ALG5: variants seen among roughly 807,000 people sequenced by gnomAD.
ALG5 encodes the protein ALG5 dolichyl-phosphate beta-glucosyltransferase, also known as dolichyl-phosphate beta-glucosyltransferase.
ALG5 carries 26 observed loss-of-function variants against 51.8 expected under a neutral mutation model. The observed-to-expected ratio is 0.50, with a 90% confidence interval of 0.37 to 0.70. The LOEUF is 0.70. Among genes scored for constraint, ALG5 ranks in the 30% least tolerant of loss-of-function variants. The pLI is 0.00. For missense variants in ALG5, 311 were observed against 399.3 expected, an observed-to-expected ratio of 0.78 and a Z score of 1.88; for synonymous variants, 141 against 136.1, an observed-to-expected ratio of 1.04 and a Z score of -0.25.
rs561687074 is a variant in ALG5 at position 36,959,413 on chromosome 13, A to G, written c.773+6162T>C. On this transcript the variant is annotated intron_variant, in intron 8 of 9. Coordinates refer to ENST00000239891, the MANE Select transcript of ALG5 (RefSeq NM_013338.5). ...AATTAGCTTGATTTAATTATGCTAC[A>G]TTGTATTCATAAATCATAATATCAC... Among the ~76,000 whole-genome samples, 42 of 152,328 alleles carry G rather than the reference A, an allele frequency of 2.8e-4. 1 individual carries two copies. Among genetic ancestry groups the G allele is most frequent in the African/African-American group, 9.4e-4 (39 of 41,584 alleles).
intron 8 of ALG5, among the ~76,000 whole-genome samples, chr13:36,955,799 A>C (rs529025537): frequency 5.3e-5 from 8 of 152,188 alleles, no homozygotes; most frequent in African/African-American, 1.9e-4. Flanking sequence ...CAGAAGGACG[A>C]AACTGGACCC....
intron 7 of ALG5, among the ~76,000 whole-genome samples, chr13:36,969,804 G>C (rs2058913089): frequency 2.0e-5 from 3 of 151,886 alleles, no homozygotes; most frequent in Non-Finnish European, 4.4e-5. Flanking sequence ...CAAAGTGCTG[G>C]GATTACAGGT....
In ALG5 at chr13:36,952,794, A is replaced by G. The variant is rs2058824202; in HGVS notation, c.774-195T>C. On this transcript the variant is annotated intron_variant, in intron 8 of 9. Coordinates refer to ENST00000239891, the MANE Select transcript of ALG5 (RefSeq NM_013338.5). ...GTTTCAAGTCAAATAATAATTTAGA[A>G]TATCATTGCATAATATTGTATCTCT... 1.2e-5 allele frequency: 5 copies of G among 407,386 alleles called. No individual in the cohort carries two copies. The Admixed American group carries it at 1.9e-4, about 15-fold the overall frequency. The allele number at this position is 407,386 out of a possible 1,614,324, so 25.2% of individuals were successfully genotyped here. A position where few individuals can be genotyped will look rare whatever the true frequency, so the allele number is the denominator to read the frequency against.
chr13:36,952,489 A>G (rs2138776210), intron 9 of ALG5, 25 bp downstream of exon 9: 1 of 1,523,134 alleles, frequency 6.6e-7, no homozygotes, highest in African/African-American at 1.4e-5. Context: ...ACTCAAGACA[A>G]TCATACAATA....
chr13:36,989,351 GTTA>G, intron 5 of ALG5, 130 bp downstream of exon 5: 1 of 635,272 alleles, frequency 1.6e-6, no homozygotes, highest in South Asian at 2.2e-5. Flanking sequence ...AAAACATGAA[GTTA>G]TTATTAAAAT....
intron 6 of ALG5, among the ~76,000 whole-genome samples, chr13:36,984,689 C>A (rs796339785): frequency 6.6e-6 from 1 of 152,240 alleles, no homozygotes; most frequent in African/African-American, 2.4e-5. Flanking sequence ...TCTCTTCCCC[C>A]TCTAAACTAG....
At chr13:36,969,855 A>G (rs2058913429) in intron 7 of ALG5, among the ~76,000 whole-genome samples, 2 of 152,050 alleles carry the variant, frequency 1.3e-5, no homozygotes, top group Non-Finnish European at 1.5e-5. Context: ...TTCAACACAG[A>G]TAACTGTATT....
chr13:36,973,694 C>T lies in ALG5; in HGVS notation c.562-1658G>A, dbSNP rs181809404. Among the ~76,000 whole-genome samples the T allele has an allele frequency of 2.7e-3, 407 of 152,058 alleles. 2 individuals are homozygous for T. Among genetic ancestry groups the T allele is most frequent in the Admixed American group, 5.1e-3 (78 of 15,274 alleles). On this transcript the variant is annotated intron_variant, in intron 6 of 9. Coordinates refer to ENST00000239891, the MANE Select transcript of ALG5 (RefSeq NM_013338.5). ...AAATATTGGCAATTTATACTACAGA[C>T]AAAAGGTTAATTTCCAAAAAGCATA...
At position 36,973,177 on chromosome 13, in the gene ALG5, A is replaced by G. The variant is rs564790008; in HGVS notation, c.562-1141T>C. Among the ~76,000 whole-genome samples, 16 of 152,056 alleles carry G rather than the reference A, an allele frequency of 1.1e-4. No homozygotes were observed. The East Asian group carries it at 1.4e-3, about 13-fold the overall frequency. On this transcript the variant is annotated intron_variant, in intron 6 of 9. Coordinates refer to ENST00000239891, the MANE Select transcript of ALG5 (RefSeq NM_013338.5). ...AGAGAAGCAAAAATAATCAAGAAAA[A>G]AGCCAGGAAAATTCAAGAGTAAAGG...
chr13:36,958,111 C>A (rs910605352), intron 8 of ALG5, among the ~76,000 whole-genome samples: 5 of 152,098 alleles, frequency 3.3e-5, no homozygotes, highest in African/African-American at 1.2e-4. Context: ...AGGAAAGTAA[C>A]TAGAATCGCA....
chr13:36,952,363 A>G (rs2058822256), intron 9 of ALG5, 151 bp downstream of exon 9: 1 of 596,702 alleles, frequency 1.7e-6, no homozygotes, highest in Non-Finnish European at 2.9e-6. Flanking sequence ...AGGTATTAGT[A>G]GGTACTATTC....
chr13:36,997,466 CAAAAAAAAAAAA>C (rs57878611), intron 1 of ALG5, among the ~76,000 whole-genome samples: 1 of 78,130 alleles, frequency 1.3e-5, no homozygotes, highest in Non-Finnish European at 2.4e-5. Context: ...GACTCCGTCT[CAAAAAAAAAAAA>C]AAAAAAAAAA....
Position 36,952,523 on chromosome 13 carries a change from C to G in ALG5, c.850G>C (p.Glu284Gln). The change falls in exon 9 of 10, where the codon GAA becomes CAA. Residue 284 changes from glutamate (E) to glutamine (Q), a missense_variant. Physicochemically the swap from Glu to Gln is conservative, Grantham distance 29 (BLOSUM62 2). Transcript: ENST00000239891. ...PIAEIAVNWT[E>Q]IEGSKLVPFW... ...TAAACAATATACTCACCTTCAATTTCTGTCCAGTTGACAGCAATTTCTGCT... is the reference window on the plus strand; with the variant it reads ...TAAACAATATACTCACCTTCAATTTGTGTCCAGTTGACAGCAATTTCTGCT... The G allele has an allele frequency of 6.3e-7, 1 of 1,596,874 alleles. No individual in the cohort carries two copies. Among genetic ancestry groups the G allele is most frequent in the Non-Finnish European group, 8.5e-7 (1 of 1,172,590 alleles).
chr13:36,965,747 T>C (rs1484792031), intron 7 of ALG5, 21 bp from the exon 8 acceptor site: 2 of 1,601,124 alleles, frequency 1.2e-6, no homozygotes, highest in South Asian at 1.1e-5. Context: ...AGACAAAATA[T>C]AAATGACTTT....
rs2058980524 is a variant in ALG5, at chr13:36,981,779, T to C, written c.561+3848A>G. Among the ~76,000 whole-genome samples the C allele has an allele frequency of 2.6e-5, 4 of 152,256 alleles. No individual in the cohort carries two copies. In the South Asian group the frequency reaches 8.3e-4, roughly 32 times the overall value. ...AGTGGAAAATTATAAGAAAAAAATATGCTATGTTTAAAAACTGTAAGAACT... is the reference window on the plus strand; with the variant it reads ...AGTGGAAAATTATAAGAAAAAAATACGCTATGTTTAAAAACTGTAAGAACT... On this transcript the variant is annotated intron_variant, in intron 6 of 9. Coordinates refer to ENST00000239891, the MANE Select transcript of ALG5 (RefSeq NM_013338.5).
intron 8 of ALG5, among the ~76,000 whole-genome samples, chr13:36,957,390 A>G (rs2138781907): frequency 6.6e-6 from 1 of 152,160 alleles, no homozygotes; most frequent in East Asian, 1.9e-4. Flanking sequence ...AAGAGGCAAT[A>G]AAGGCACTAA....
chr13:36,973,420 G>A (rs1231038263), intron 6 of ALG5, among the ~76,000 whole-genome samples: 3 of 152,162 alleles, frequency 2.0e-5, no homozygotes, highest in African/African-American at 4.8e-5. Flanking sequence ...GTGGGACATC[G>A]TGGTAGCCAC....
rs142909336 is a variant in ALG5 at position 36,995,455 on chromosome 13, C to T, written c.208G>A (p.Val70Ile). Residue 70 changes from valine to isoleucine, a missense_variant, in exon 2 of 10, where the codon GTT becomes ATT. Transcript: ENST00000239891. ...TTTTCTTCATTGTATGAAGGCACAA[C>T]GACAGAAAGTTGTTTGGTAGGTGAG... is the stretch of plus-strand genomic sequence containing the variant. Reference protein sequence around the residue: ...WDSPTKQLSVVVPSYNEEKRL... With the variant: ...WDSPTKQLSVIVPSYNEEKRL... The T allele has an allele frequency of 1.0e-4, 166 of 1,612,812 alleles. No individual in the cohort carries two copies. The African/African-American group carries it at 1.3e-3, about 13-fold the overall frequency.
intron 8 of ALG5, 45 bp from the exon 9 acceptor site, chr13:36,952,644 A>G (rs202132173): frequency 1.7e-6 from 2 of 1,180,130 alleles, no homozygotes; most frequent in South Asian, 1.5e-5. Flanking sequence ...AGACAAATAG[A>G]ACACAACTAC....
Sources: gnomAD v4.1 joint callset for allele counts (sites outside exome capture counted in the v4.1 genomes callset) on GRCh38, gnomAD v4.1.1 for gene constraint, MANE v1.5 for transcripts, NCBI Gene and HGNC (gene_info 2026-07-23, HGNC 2026-07-21) for gene names.